RIPOR3: variants seen among roughly 807,000 people sequenced by gnomAD.
The protein encoded by RIPOR3 is RIPOR family member 3.
A neutral mutation model predicts 114.3 loss-of-function variants in RIPOR3; 95 were observed. The observed-to-expected ratio is 0.83, with a 90% confidence interval of 0.70 to 0.99. RIPOR3 has a LOEUF of 0.99. RIPOR3 is among the 50% of genes least tolerant of loss of function. The probability of loss-of-function intolerance (pLI) is 0.00; values close to 1 mark genes in which losing one functional copy is unlikely to be tolerated. For missense variants in RIPOR3, 1,252 were observed against 1,266.9 expected, an observed-to-expected ratio of 0.99 and a Z score of 0.18; for synonymous variants, 575 against 543.8, an observed-to-expected ratio of 1.06 and a Z score of -0.80.
chr20:50,667,534 C>T (rs889132851), intron 1 of RIPOR3, among the ~76,000 whole-genome samples: 18 of 152,084 alleles, frequency 1.2e-4, no homozygotes, highest in Non-Finnish European at 1.3e-4. Flanking sequence ...CCTCGTGATC[C>T]GCCTGCCTCG....
Position 50,593,248 on chromosome 20 carries a change from G to A in RIPOR3, c.2213-52C>T, listed in dbSNP as rs1360145804. The A allele has an allele frequency of 6.3e-6, 10 of 1,577,722 alleles. No individual in the cohort carries two copies. In the East Asian group the frequency reaches 6.7e-5, roughly 11 times the overall value. On this transcript the variant is annotated intron_variant, in intron 17 of 21. Transcript: ENST00000327979. ...AGAAACTGAGACCTCGACCCTCCACGCTTCTCAGCTGGGAGTAGCCTGGTC... is the reference window on the plus strand; with the variant it reads ...AGAAACTGAGACCTCGACCCTCCACACTTCTCAGCTGGGAGTAGCCTGGTC...
chr20:50,639,400 C>A (rs1366987077), intron 1 of RIPOR3, among the ~76,000 whole-genome samples: 3 of 152,132 alleles, frequency 2.0e-5, no homozygotes, highest in Non-Finnish European at 4.4e-5. Context: ...CTGAGCAGAA[C>A]CCCTCTTTCT....
intron 2 of RIPOR3, among the ~76,000 whole-genome samples, chr20:50,629,571 C>T (rs533695719): frequency 2.6e-5 from 4 of 152,278 alleles, no homozygotes; most frequent in East Asian, 3.9e-4. Flanking sequence ...GGGCCTGGCC[C>T]GGCCAGCACC....
chr20:50,678,792 C>G lies in RIPOR3; in HGVS notation c.3+12334G>C, dbSNP rs534348670. Among the ~76,000 whole-genome samples the G allele has an allele frequency of 3.9e-5, 6 of 152,106 alleles. No individual in the cohort carries two copies. In the South Asian group the frequency reaches 1.2e-3, roughly 32 times the overall value. ...GTGCTTTGCATGTTATTAACTCATT[C>G]AATCCTTACATCACCCCAGGAGGAG... On this transcript the variant is annotated intron_variant, in intron 1 of 21. Transcript: ENST00000327979.
At chr20:50,594,423 C>A in intron 17 of RIPOR3, 130 bp downstream of exon 17, 1 of 1,133,782 alleles carries the variant, frequency 8.8e-7, no homozygotes, top group South Asian at 1.7e-5. Context: ...AAAGCTCCTC[C>A]GTCCGATGGC....
intron 1 of RIPOR3, among the ~76,000 whole-genome samples, chr20:50,663,133 CT>C (rs1417088190): frequency 6.7e-6 from 1 of 149,816 alleles, no homozygotes; most frequent in East Asian, 2.0e-4. Flanking sequence ...AAACTGCTGA[CT>C]GCACCTGTTT....
At chr20:50,643,799 G>T (rs796761599) in intron 1 of RIPOR3, among the ~76,000 whole-genome samples, 14 of 148,764 alleles carry the variant, frequency 9.4e-5, no homozygotes, top group African/African-American at 3.2e-4. Context: ...TCCGCCTCCC[G>T]GGTTCACGCC....
rs781031491 is a variant in RIPOR3, at chr20:50,597,624, G to A, written c.1746C>T (p.Phe582=). The change falls in exon 14 of 22, where the codon TTC becomes TTT. Residue 582 remains phenylalanine (F), a synonymous_variant. Coordinates refer to ENST00000327979, the MANE Select transcript of RIPOR3 (RefSeq NM_001290268.2). Reference sequence around the variant, plus strand: ...CAAACAGGGACAGCTCATCCAGGGCGAAGTCGGCATTGAGGAAGGCGAAGC... The same window carrying A: ...CAAACAGGGACAGCTCATCCAGGGCAAAGTCGGCATTGAGGAAGGCGAAGC... ...LESFAFLNAD[F]ALDELSLFGG... 25 of 1,611,732 alleles carry A rather than the reference G, an allele frequency of 1.6e-5. No homozygotes were observed. Among genetic ancestry groups the A allele is most frequent in the African/African-American group, 9.4e-5 (7 of 74,862 alleles).
chr20:50,620,886 T>G, intron 2 of RIPOR3: 1 of 654,800 alleles, frequency 1.5e-6, no homozygotes, highest in Non-Finnish European at 2.9e-6. Flanking sequence ...GTGCGGGACA[T>G]GATCCGGGAG....
In RIPOR3 at chr20:50,587,827, T is replaced by C; in HGVS notation, c.2727A>G (p.Ala909=). 6.2e-7 allele frequency: 1 copy of C among 1,614,208 alleles called. No homozygotes were observed. Residue 909 remains alanine (A), a synonymous_variant, in exon 21 of 22, where the codon GCA becomes GCG. Coordinates refer to ENST00000327979, the MANE Select transcript of RIPOR3 (RefSeq NM_001290268.2). ...CGAACGACAGTGTGGTTTCCCGGGC[T>C]GCCGCCCGCACGGCCTCCAGGTCAG... is the stretch of plus-strand genomic sequence containing the variant. ...CQSDLEAVRA[A]ARETTLSFGE... is the part of the protein sequence containing the mutation.
rs1392829089 is a variant in RIPOR3 at position 50,595,416 on chromosome 20, G to A, written c.2003C>T (p.Ser668Phe). The change falls in exon 16 of 22, where the codon TCT becomes TTT. Residue 668 changes from serine (S) to phenylalanine (F), a missense_variant. Physicochemically the swap from Ser to Phe is radical, Grantham distance 155. Transcript: ENST00000327979. ...AQQKHVLETL[S>F]VLDFEKVGKA... ...GCCGACCTTCTCAAAGTCAAGGACA[G>A]AAAGTGTCTCCAGAACGTGCTTTTG... 1.9e-6 allele frequency: 3 copies of A among 1,614,074 alleles called. No homozygotes were observed. The highest frequency in any genetic ancestry group is 2.5e-6 in the Non-Finnish European group (3 of 1,180,028).
intron 1 of RIPOR3, among the ~76,000 whole-genome samples, chr20:50,642,362 GT>G: frequency 1.3e-5 from 2 of 150,702 alleles, no homozygotes. Context: ...GTGTGTGTGT[GT>G]GTGTGTGTGT....
At chr20:50,616,458 T>C (rs1231999530) in intron 3 of RIPOR3, among the ~76,000 whole-genome samples, 1 of 152,168 alleles carries the variant, frequency 6.6e-6, no homozygotes, top group Non-Finnish European at 1.5e-5. Context: ...TTCTTATATC[T>C]CAGCCTCTTG....
Position 50,608,638 on chromosome 20 carries a change from G to A in RIPOR3, c.785C>T (p.Thr262Met), listed in dbSNP as rs200366680. 6.4e-5 allele frequency: 103 copies of A among 1,614,028 alleles called. No individual in the cohort carries two copies. The African/African-American group carries it at 7.1e-4, about 11-fold the overall frequency. ...WDEEEKAFIP[T>M]LHENLDIKVT... is the part of the protein sequence containing the mutation. ...CTTGATGTCCAGGTTCTCATGCAGCGTGGGGATGAAGGCCTTCTCCTCTTC... is the reference window on the plus strand; with the variant it reads ...CTTGATGTCCAGGTTCTCATGCAGCATGGGGATGAAGGCCTTCTCCTCTTC... Residue 262 changes from threonine to methionine, a missense_variant, in exon 10 of 22, where the codon ACG (threonine) becomes ATG (methionine). Coordinates refer to ENST00000327979, the MANE Select transcript of RIPOR3 (RefSeq NM_001290268.2).
chr20:50,618,267 T>C (rs1442399453), intron 3 of RIPOR3, among the ~76,000 whole-genome samples: 1 of 79,340 alleles, frequency 1.3e-5, no homozygotes, highest in Non-Finnish European at 2.0e-5. Flanking sequence ...TGAGACTCCG[T>C]CTCAAAAAAA....
intron 1 of RIPOR3, among the ~76,000 whole-genome samples, chr20:50,689,393 C>T (rs1179851095): frequency 2.6e-5 from 4 of 152,132 alleles, no homozygotes; most frequent in Non-Finnish European, 4.4e-5. Flanking sequence ...CCAGGCTAGT[C>T]TCAAACACCT....
chr20:50,644,676 C>CTTTTTTT (rs61225138), intron 1 of RIPOR3, among the ~76,000 whole-genome samples: 1 of 74,614 alleles, frequency 1.3e-5, no homozygotes, highest in Non-Finnish European at 2.5e-5. Flanking sequence ...TTTTTGTTTG[C>CTTTTTTT]TTTTTTTTTT....
At chr20:50,589,588 G>T in intron 20 of RIPOR3, 98 bp downstream of exon 20, 1 of 1,296,818 alleles carries the variant, frequency 7.7e-7, no homozygotes, top group Non-Finnish European at 1.1e-6. Context: ...GAGCCATCAC[G>T]CCCAGCCCCA....
chr20:50,594,592 G>A lies in RIPOR3; in HGVS notation c.2173C>T (p.His725Tyr), dbSNP rs371522334. ...LLNQLKKTFQHRVRGKYPGQL... is the reference protein window; with the variant it reads ...LLNQLKKTFQYRVRGKYPGQL... ...CCTGGGTACTTCCCTCTGACTCTGT[G>A]CTGGAAGGTTTTCTTGAGCTGGTTC... Residue 725 changes from histidine to tyrosine, a missense_variant, in exon 17 of 22, where the codon CAC becomes TAC. Transcript: ENST00000327979. The A allele has an allele frequency of 2.5e-6, 4 of 1,613,940 alleles. No individual in the cohort carries two copies. The African/African-American group carries it at 4.0e-5, about 16-fold the overall frequency.
Sources: gnomAD v4.1 joint callset for allele counts (sites outside exome capture counted in the v4.1 genomes callset) on GRCh38, gnomAD v4.1.1 for gene constraint, MANE v1.5 for transcripts, NCBI Gene and HGNC (gene_info 2026-07-23, HGNC 2026-07-21) for gene names.